The following TVP23C variants were observed in gnomAD, a reference collection of about 807,000 sequenced individuals.
The protein encoded by TVP23C is trans-golgi network vesicle protein 23 homolog C, also known as Golgi apparatus membrane protein TVP23 homolog C.
Under a neutral mutation model 28.7 loss-of-function variants are expected in TVP23C, and 19 were observed. The observed-to-expected ratio is 0.66, with a 90% CI of 0.46 to 0.97. The LOEUF is 0.97. Among genes scored for constraint, TVP23C ranks in the 50% least tolerant of loss-of-function variants. TVP23C has a pLI of 0.00. For missense variants in TVP23C, 186 were observed against 241.3 expected (o/e 0.77, Z 1.52); for synonymous variants, 68 against 81.7 (o/e 0.83, Z 0.90).
At chr17:15,518,992 C>T (rs1982353540) in intron 5 of TVP23C, among the ~76,000 whole-genome samples, 1 of 152,104 alleles carries the variant, frequency 6.6e-6, no homozygotes, top group South Asian at 2.1e-4. Context: ...AAAGGTGTGT[C>T]GCAGTTCCCC....
chr17:15,553,028 C>T (rs1367856930), intron 3 of TVP23C, among the ~76,000 whole-genome samples: 1 of 151,232 alleles, frequency 6.6e-6, no homozygotes, highest in Non-Finnish European at 1.5e-5. Context: ...GGTGTCTCAA[C>T]CTTGGCACAA....
rs1457336873 is a variant in TVP23C, at chr17:15,529,195, T to TA, written c.462+16589dup. On this transcript the variant is annotated intron_variant, in intron 5 of 5. Transcript: ENST00000225576. Reference sequence around the variant, plus strand: ...TGCCAGGCTCAGAGGCTCACGCCTGTAATCCCAGCACTTTGGGAAGCCAAG... The same window carrying TA: ...TGCCAGGCTCAGAGGCTCACGCCTGTAAATCCCAGCACTTTGGGAAGCCAAG... Among the ~76,000 whole-genome samples, 8 of 152,276 alleles carry TA rather than the reference T, an allele frequency of 5.3e-5. No homozygotes were observed. In the South Asian group the frequency reaches 8.3e-4, roughly 16 times the overall value.
intron 2 of TVP23C, among the ~76,000 whole-genome samples, chr17:15,554,527 G>A (rs946308364): frequency 1.5e-4 from 23 of 152,278 alleles, no homozygotes; most frequent in African/African-American, 4.6e-4. Context: ...GTGAGCCATC[G>A]CGCCCAGCCT....
At chr17:15,550,802 T>G (rs989158903) in intron 3 of TVP23C, among the ~76,000 whole-genome samples, 1 of 152,202 alleles carries the variant, frequency 6.6e-6, no homozygotes, top group Admixed American at 6.5e-5. Flanking sequence ...CTTCTTTTAT[T>G]TTTGCCTGAT....
At chr17:15,552,519 T>C (rs938610822) in intron 3 of TVP23C, among the ~76,000 whole-genome samples, 3 of 151,900 alleles carry the variant, frequency 2.0e-5, no homozygotes, top group African/African-American at 7.3e-5. Flanking sequence ...CCGTCTGTAC[T>C]AAAAATACAA....
intron 5 of TVP23C, chr17:15,503,406 T>C (rs1043181317): frequency 2.5e-6 from 2 of 792,802 alleles, no homozygotes; most frequent in African/African-American, 3.5e-5. Context: ...CCATGATATT[T>C]CAAGAAAAGT....
intron 1 of TVP23C, among the ~76,000 whole-genome samples, chr17:15,556,276 C>CA (rs202237261): frequency 0.083 from 12,531 of 151,408 alleles, 639 homozygotes; most frequent in African/African-American, 0.13. Flanking sequence ...ACTTATTAGG[C>CA]AAAAAAAGAT....
At chr17:15,503,976 C>T (rs1981607538) in intron 5 of TVP23C, among the ~76,000 whole-genome samples, 1 of 152,032 alleles carries the variant, frequency 6.6e-6, no homozygotes, top group African/African-American at 2.4e-5. Context: ...CTAGGCACAA[C>T]CCTGTGAGTA....
intron 5 of TVP23C, 122 bp downstream of exon 5, chr17:15,545,663 A>G (rs1983612199): frequency 1.4e-6 from 2 of 1,387,438 alleles, no homozygotes; most frequent in African/African-American, 1.4e-5. Flanking sequence ...TGGGAATTAC[A>G]TGATGAAGCT....
At position 15,525,627 on chromosome 17, in the gene TVP23C, C is replaced by T. The variant is rs1303724595; in HGVS notation, c.462+20158G>A. On this transcript the variant is annotated intron_variant, in intron 5 of 5. Coordinates refer to the TVP23C transcript ENST00000225576. ...CAGAATTTGGATTTGTCAGTTCCCACAACTGTGTAAGCCAACTCCTTGAAA... is the reference window on the plus strand; with the variant it reads ...CAGAATTTGGATTTGTCAGTTCCCATAACTGTGTAAGCCAACTCCTTGAAA... Among the ~76,000 whole-genome samples the T allele has an allele frequency of 2.6e-5, 4 of 152,232 alleles. No individual in the cohort carries two copies. In the East Asian group the frequency reaches 7.7e-4, roughly 29 times the overall value.
chr17:15,526,696 A>G (rs1459363170), intron 5 of TVP23C, among the ~76,000 whole-genome samples: 1 of 152,136 alleles, frequency 6.6e-6, no homozygotes, highest in Admixed American at 6.5e-5. Context: ...CATTTACATC[A>G]TATGTTAGTA....
intron 5 of TVP23C, among the ~76,000 whole-genome samples, chr17:15,528,184 A>C (rs1982804250): frequency 6.6e-6 from 1 of 152,218 alleles, no homozygotes; most frequent in Admixed American, 6.5e-5. Context: ...TCTTAAGATG[A>C]AAGGTGAGAC....
intron 2 of TVP23C, 48 bp from the exon 3 acceptor site, chr17:15,553,877 G>A: frequency 6.2e-7 from 1 of 1,609,864 alleles, no homozygotes; most frequent in East Asian, 2.2e-5. Context: ...TTTTACTACA[G>A]GTACTAGCAA....
At chr17:15,504,571 T>G (rs1246448944) in intron 5 of TVP23C, among the ~76,000 whole-genome samples, 1 of 151,412 alleles carries the variant, frequency 6.6e-6, no homozygotes, top group Non-Finnish European at 1.5e-5. Context: ...TAAAGACAAT[T>G]TTTTTTTAAG....
chr17:15,561,130 T>C (rs1434264049), intron 1 of TVP23C, among the ~76,000 whole-genome samples: 1 of 152,140 alleles, frequency 6.6e-6, no homozygotes, highest in Admixed American at 6.5e-5. Context: ...ACGGCTTCCA[T>C]TTTCAGTGAA....
chr17:15,547,058 C>T lies in TVP23C; in HGVS notation c.330+1G>A. 1 of 1,584,176 alleles carries T rather than the reference C, an allele frequency of 6.3e-7. No homozygotes were observed. On this transcript the variant is annotated splice_donor_variant, in intron 4 of 5. Coordinates refer to ENST00000518321, the MANE Select transcript of TVP23C (RefSeq NM_001135036.2). LOFTEE classifies it high-confidence loss of function. Reference sequence around the variant, plus strand: ...TATTTAAAACAAAAAAGGCACTTTACCTTTCTAGATTCAAACACCCAATGG... The same window carrying T: ...TATTTAAAACAAAAAAGGCACTTTATCTTTCTAGATTCAAACACCCAATGG...
chr17:15,549,415 T>C (rs1983790348), intron 3 of TVP23C, among the ~76,000 whole-genome samples: 1 of 152,018 alleles, frequency 6.6e-6, no homozygotes, highest in South Asian at 2.1e-4. Context: ...AGATGACAAG[T>C]AGTATTTTAC....
intron 1 of TVP23C, 103 bp downstream of exon 1, chr17:15,563,334 G>A (rs1487370695): frequency 4.6e-6 from 7 of 1,517,384 alleles, no homozygotes; most frequent in African/African-American, 2.8e-5. Context: ...GCTCCTCCTC[G>A]AGTTCGAGTA....
chr17:15,536,574 A>G (rs1206372755), downstream of TVP23C, among the ~76,000 whole-genome samples: 3 of 152,266 alleles, frequency 2.0e-5, no homozygotes, highest in Non-Finnish European at 4.4e-5. Context: ...TACCACATGC[A>G]TATTCTAAAA....
Sources: allele counts gnomAD v4.1 joint callset (sites outside exome capture counted in the v4.1 genomes callset), GRCh38; gene constraint gnomAD v4.1.1; transcripts MANE v1.5; gene names NCBI Gene and HGNC (gene_info 2026-07-23, HGNC 2026-07-21).